Variants in KCNJ3 observed in about 807,000 individuals in gnomAD.
KCNJ3 encodes G protein-activated inward rectifier potassium channel 1.
In KCNJ3, 4 loss-of-function variants were observed where a neutral mutation model predicts 39.2. That is an observed-to-expected ratio of 0.10 (90% CI 0.05 to 0.23). KCNJ3 has a LOEUF of 0.23. KCNJ3 is among the 10% of genes least tolerant of loss of function. The pLI, the probability that KCNJ3 is intolerant of heterozygous loss-of-function variation, is 1.00. For missense variants in KCNJ3, 276 were observed against 634.9 expected (o/e 0.43, Z 6.08); for synonymous variants, 230 against 237.4 (o/e 0.97, Z 0.29).
chr2:154,717,303 G>A (rs192115155), intron 2 of KCNJ3, among the ~76,000 whole-genome samples: 52 of 152,296 alleles, frequency 3.4e-4, no homozygotes, highest in African/African-American at 1.2e-3. Context: ...ATAACAGTTT[G>A]GACCTAATTC....
At chr2:154,800,183 T>C (rs1686787871) in intron 2 of KCNJ3, among the ~76,000 whole-genome samples, 1 of 152,166 alleles carries the variant, frequency 6.6e-6, no homozygotes, top group South Asian at 2.1e-4. Context: ...TTATTTTGAT[T>C]TATAGGTTTG....
At position 154,736,060 on chromosome 2, in the gene KCNJ3, A is replaced by G. The variant is rs566785970; in HGVS notation, c.919+26241A>G. 4.9e-4 allele frequency among the ~76,000 whole-genome samples: 75 copies of G among 152,292 alleles called. 1 individual carries two copies. The South Asian group carries it at 0.015, about 30-fold the overall frequency. On this transcript the variant is annotated intron_variant, in intron 2 of 2. Coordinates refer to ENST00000295101, the MANE Select transcript of KCNJ3 (RefSeq NM_002239.4). Reference sequence around the variant, plus strand: ...CTATTAAATTCCTAGGCCAGCGTGTAAAATTTCTTGTGGCTTTCCTTTCTG... The same window carrying G: ...CTATTAAATTCCTAGGCCAGCGTGTGAAATTTCTTGTGGCTTTCCTTTCTG...
intron 2 of KCNJ3, among the ~76,000 whole-genome samples, chr2:154,795,604 C>A (rs1686708147): frequency 6.6e-6 from 1 of 151,920 alleles, no homozygotes; most frequent in Admixed American, 6.6e-5. Context: ...TTACGAAGGG[C>A]ATTTTTATTT....
intron 2 of KCNJ3, among the ~76,000 whole-genome samples, chr2:154,798,367 C>T (rs1686756840): frequency 6.6e-6 from 1 of 152,124 alleles, no homozygotes; most frequent in African/African-American, 2.4e-5. Flanking sequence ...AAATTGAGTG[C>T]AATCTCAATC....
In KCNJ3 at chr2:154,699,072, G is replaced by T. The variant is rs755521421; in HGVS notation, c.297G>T (p.Ala99=). ...LTYTVAWLFM[A]SMWWVIAYTR... ...ACACCGTGGCCTGGCTTTTCATGGCGTCCATGTGGTGGGTGATCGCCTACA... is the reference window on the plus strand; with the variant it reads ...ACACCGTGGCCTGGCTTTTCATGGCTTCCATGTGGTGGGTGATCGCCTACA... The change falls in exon 1 of 3, where the codon GCG becomes GCT. Residue 99 remains alanine (A), a synonymous_variant. Coordinates refer to ENST00000295101, the MANE Select transcript of KCNJ3 (RefSeq NM_002239.4). The surrounding 1 kb of genome is among the most constrained non-coding windows in gnomAD (Gnocchi z 6.4). 40 of 1,614,094 alleles carry T rather than the reference G, an allele frequency of 2.5e-5. No individual in the cohort carries two copies. The highest frequency in any genetic ancestry group is 3.4e-5 in the Non-Finnish European group (40 of 1,180,058).
chr2:154,789,684 G>A (rs571726116), intron 2 of KCNJ3, among the ~76,000 whole-genome samples: 6 of 152,146 alleles, frequency 3.9e-5, no homozygotes, highest in African/African-American at 1.2e-4. Context: ...ACATATGTAG[G>A]TATTTGCACT....
chr2:154,820,496 G>T (rs1687154199), intron 2 of KCNJ3, among the ~76,000 whole-genome samples: 1 of 152,160 alleles, frequency 6.6e-6, no homozygotes, highest in Non-Finnish European at 1.5e-5. Flanking sequence ...TTTTAGTGGT[G>T]GTTGGAGGTT....
intron 2 of KCNJ3, among the ~76,000 whole-genome samples, chr2:154,854,333 T>C (rs1018614939): frequency 5.9e-5 from 9 of 152,192 alleles, no homozygotes; most frequent in African/African-American, 2.2e-4. Context: ...TATTAAAGTT[T>C]AGATTCAAAA....
chr2:154,715,119 G>C (rs1287291458), intron 2 of KCNJ3, among the ~76,000 whole-genome samples: 3 of 152,186 alleles, frequency 2.0e-5, no homozygotes, highest in Admixed American at 6.5e-5. Context: ...GCTACTCCCT[G>C]TTAGTAATAA....
chr2:154,775,080 C>T (rs1039542388), intron 2 of KCNJ3, among the ~76,000 whole-genome samples: 5 of 152,060 alleles, frequency 3.3e-5, no homozygotes, highest in African/African-American at 1.2e-4. Flanking sequence ...CCATGCCCGA[C>T]TAATTTTTGT....
chr2:154,751,556 C>T (rs1018044288), intron 2 of KCNJ3, among the ~76,000 whole-genome samples: 4 of 151,974 alleles, frequency 2.6e-5, no homozygotes, highest in Non-Finnish European at 5.9e-5. Context: ...GTATTTATTA[C>T]ATTTCACCTA....
At chr2:154,738,854 G>T (rs1256446497) in intron 2 of KCNJ3, among the ~76,000 whole-genome samples, 1 of 151,826 alleles carries the variant, frequency 6.6e-6, no homozygotes, top group Non-Finnish European at 1.5e-5. Flanking sequence ...ATCACCAAAA[G>T]CTCCACATCG....
intron 2 of KCNJ3, among the ~76,000 whole-genome samples, chr2:154,821,080 G>A (rs1687164590): frequency 6.6e-6 from 1 of 152,038 alleles, no homozygotes; most frequent in Admixed American, 6.6e-5. Flanking sequence ...TCTTTTCCAT[G>A]CTCAAATTCC....
intron 1 of KCNJ3, among the ~76,000 whole-genome samples, chr2:154,704,522 G>C (rs1684965482): frequency 6.6e-6 from 1 of 152,234 alleles, no homozygotes; most frequent in African/African-American, 2.4e-5. Context: ...ACATATTTTT[G>C]TGGGTTAATT....
At chr2:154,715,938 A>G (rs1685172880) in intron 2 of KCNJ3, among the ~76,000 whole-genome samples, 1 of 152,134 alleles carries the variant, frequency 6.6e-6, no homozygotes, top group Non-Finnish European at 1.5e-5. Flanking sequence ...CTTATCACCA[A>G]CTTTACCATT....
rs189037309 is a variant in KCNJ3 at position 154,836,142 on chromosome 2, G to A, written c.920-18585G>A. 8.7e-3 allele frequency among the ~76,000 whole-genome samples: 1,314 copies of A among 151,264 alleles called. 27 individuals are homozygous for A. The highest frequency in any genetic ancestry group is 0.03 in the African/African-American group (1,228 of 41,096). On this transcript the variant is annotated intron_variant, in intron 2 of 2. Coordinates refer to ENST00000295101, the MANE Select transcript of KCNJ3 (RefSeq NM_002239.4). ...GGAGAATCACTTGAACTCAGGAGGC[G>A]GAGGTTGCAATGAGCCAAGATCACA...
chr2:154,822,876 T>C (rs1687208393), intron 2 of KCNJ3, among the ~76,000 whole-genome samples: 1 of 152,022 alleles, frequency 6.6e-6, no homozygotes, highest in African/African-American at 2.4e-5. Flanking sequence ...TTTAGCTGAC[T>C]AAGTAATAGT....
intron 2 of KCNJ3, among the ~76,000 whole-genome samples, chr2:154,714,489 A>C (rs1414649355): frequency 6.6e-6 from 1 of 152,124 alleles, no homozygotes; most frequent in Non-Finnish European, 1.5e-5. Flanking sequence ...GAACTCACAA[A>C]GTGCTCACAA....
chr2:154,795,862 A>G (rs1292092150), intron 2 of KCNJ3, among the ~76,000 whole-genome samples: 1 of 152,112 alleles, frequency 6.6e-6, no homozygotes, highest in Non-Finnish European at 1.5e-5. Context: ...AAATAATTGA[A>G]TTTCTACTTG....
Sources: allele counts gnomAD v4.1 joint callset (sites outside exome capture counted in the v4.1 genomes callset), GRCh38; gene constraint gnomAD v4.1.1; non-coding constraint Gnocchi (gnomAD v3.1); transcripts MANE v1.5; gene names NCBI Gene and HGNC (gene_info 2026-07-23, HGNC 2026-07-21).